PITPNB: variants seen among roughly 807,000 people sequenced by gnomAD.
PITPNB encodes the protein phosphatidylinositol transfer protein beta isoform.
In PITPNB, 16 loss-of-function variants were observed where a neutral mutation model predicts 45.9. The ratio of observed to expected loss-of-function variants is 0.35; its 90% CI spans 0.24 to 0.53. The LOEUF (loss-of-function observed/expected upper bound fraction) is 0.53. Among genes scored for constraint, PITPNB ranks in the 20% least tolerant of loss-of-function variants. The pLI is 0.93. For synonymous variants in PITPNB, 112 were observed against 108.9 expected, an observed-to-expected ratio of 1.03 and a Z score of -0.18; for missense variants, 188 against 330.5, an observed-to-expected ratio of 0.57 and a Z score of 3.34.
intron 3 of PITPNB, among the ~76,000 whole-genome samples, chr22:27,909,065 C>T (rs570201144): frequency 6.6e-6 from 1 of 151,994 alleles, no homozygotes; most frequent in Non-Finnish European, 1.5e-5. Flanking sequence ...AGGAGTTCCA[C>T]AAAACATGAG....
intron 7 of PITPNB, 104 bp downstream of exon 7, chr22:27,894,449 AAG>A (rs1935377433): frequency 1.5e-6 from 1 of 674,094 alleles, no homozygotes; most frequent in South Asian, 1.8e-5. Context: ...TAGGCCATAC[AAG>A]AAAGAAAGGA....
intron 11 of PITPNB, 46 bp from the exon 12 acceptor site, chr22:27,853,709 G>A: frequency 8.7e-6 from 12 of 1,376,982 alleles, no homozygotes; most frequent in Non-Finnish European, 1.2e-5. Flanking sequence ...AAAATACAGA[G>A]ACAGGAAATG....
chr22:27,874,641 ACTCT>A (rs201169284), intron 7 of PITPNB, among the ~76,000 whole-genome samples: 2 of 151,890 alleles, frequency 1.3e-5, no homozygotes, highest in Non-Finnish European at 2.9e-5. Flanking sequence ...ACAAACACAC[ACTCT>A]CTCTCTCTCC....
chr22:27,872,577 T>C (rs946467633), intron 8 of PITPNB, among the ~76,000 whole-genome samples: 14 of 152,346 alleles, frequency 9.2e-5, no homozygotes, highest in African/African-American at 3.4e-4. Context: ...TTCCTTTTAG[T>C]TGATGCACAA....
chr22:27,918,326 G>A (rs1367940944), intron 1 of PITPNB, among the ~76,000 whole-genome samples: 1 of 152,078 alleles, frequency 6.6e-6, no homozygotes, highest in African/African-American at 2.4e-5. Flanking sequence ...CCAACGAATG[G>A]GCCATACTCG....
chr22:27,917,395 G>A (rs1289269919), intron 1 of PITPNB, among the ~76,000 whole-genome samples: 1 of 152,206 alleles, frequency 6.6e-6, no homozygotes, highest in Non-Finnish European at 1.5e-5. Context: ...CACTTGCTGT[G>A]TAACTTGGTC....
chr22:27,880,103 C>T (rs923219626), intron 7 of PITPNB, among the ~76,000 whole-genome samples: 2 of 152,154 alleles, frequency 1.3e-5, no homozygotes, highest in East Asian at 3.8e-4. Flanking sequence ...AATAAAGGTA[C>T]TGGACTATCA....
chr22:27,881,250 G>A (rs898798968), intron 7 of PITPNB, among the ~76,000 whole-genome samples: 1 of 152,176 alleles, frequency 6.6e-6, no homozygotes, highest in Non-Finnish European at 1.5e-5. Context: ...TTGGCAAACA[G>A]AAATTTCTTA....
At chr22:27,896,289 G>A (rs944268859) in intron 6 of PITPNB, among the ~76,000 whole-genome samples, 2 of 152,186 alleles carry the variant, frequency 1.3e-5, no homozygotes, top group African/African-American at 2.4e-5. Flanking sequence ...GATTATCTGT[G>A]AATTTTGTTT....
chr22:27,891,153 G>A (rs977608103), intron 7 of PITPNB, among the ~76,000 whole-genome samples: 1 of 152,172 alleles, frequency 6.6e-6, no homozygotes, highest in Non-Finnish European at 1.5e-5. Context: ...CTAAACAGTG[G>A]TGATGGTTGC....
chr22:27,870,901 C>T (rs1399602576), intron 8 of PITPNB, among the ~76,000 whole-genome samples: 2 of 152,300 alleles, frequency 1.3e-5, no homozygotes, highest in Middle Eastern at 3.4e-3. Flanking sequence ...TCTGAGATCA[C>T]AGTAATTCAC....
At chr22:27,855,222 T>C (rs917866345) in intron 10 of PITPNB, among the ~76,000 whole-genome samples, 127 of 152,334 alleles carry the variant, frequency 8.3e-4, no homozygotes, top group African/African-American at 2.9e-3. Context: ...AAACAAATTG[T>C]TTGCCAATAT....
chr22:27,895,964 G>A (rs1194967749), intron 6 of PITPNB, among the ~76,000 whole-genome samples: 2 of 152,166 alleles, frequency 1.3e-5, no homozygotes, highest in African/African-American at 2.4e-5. Flanking sequence ...GACTTCCCAA[G>A]TTCCACGACA....
chr22:27,901,984 CA>C (rs2146411367), intron 3 of PITPNB, among the ~76,000 whole-genome samples: 1 of 152,100 alleles, frequency 6.6e-6, no homozygotes, highest in East Asian at 1.9e-4. Flanking sequence ...TGCGCCAGGC[CA>C]GGGGCTGTGT....
chr22:27,909,572 CAA>C (rs1260715396), intron 3 of PITPNB, among the ~76,000 whole-genome samples: 2 of 151,928 alleles, frequency 1.3e-5, no homozygotes, highest in Non-Finnish European at 2.9e-5. Context: ...CAAATTTTAA[CAA>C]GAGACTATCT....
At chr22:27,916,659 C>T (rs1425689072) in intron 1 of PITPNB, among the ~76,000 whole-genome samples, 1 of 151,956 alleles carries the variant, frequency 6.6e-6, no homozygotes, top group Non-Finnish European at 1.5e-5. Context: ...AAAATTTAGC[C>T]GGTCATGGTG....
chr22:27,895,346 T>C (rs1178815987), intron 6 of PITPNB, among the ~76,000 whole-genome samples: 1 of 152,134 alleles, frequency 6.6e-6, no homozygotes, highest in Admixed American at 6.5e-5. Context: ...TCCTAGCACT[T>C]TGGGAGGCTG....
intron 1 of PITPNB, among the ~76,000 whole-genome samples, chr22:27,918,438 T>C (rs1226141629): frequency 2.6e-5 from 4 of 152,088 alleles, no homozygotes; most frequent in Non-Finnish European, 4.4e-5. Flanking sequence ...TCCTTGCCAG[T>C]AGGAAAAGCC....
intron 6 of PITPNB, 63 bp downstream of exon 6, chr22:27,896,477 GATGACAAAGTGA>G: frequency 1.0e-6 from 1 of 966,886 alleles, no homozygotes; most frequent in Non-Finnish European, 1.7e-6. Flanking sequence ...TTACTTTGAT[GATGACAAAGTGA>G]ACTACATATA....
Sources: gnomAD v4.1 joint callset for allele counts (sites outside exome capture counted in the v4.1 genomes callset) on GRCh38, gnomAD v4.1.1 for gene constraint, MANE v1.5 for transcripts, NCBI Gene and HGNC (gene_info 2026-07-23, HGNC 2026-07-21) for gene names.